B4GALNT2: variants seen among roughly 807,000 people sequenced by gnomAD.
B4GALNT2 encodes the protein N-acetylneuraminylgalactosylglucosyl-glucoside beta-1,4-N- acetylgalactosaminyltransferase 2.
A neutral mutation model predicts 51.1 loss-of-function variants in B4GALNT2; 42 were observed. The observed-to-expected ratio is 0.82, with a 90% CI of 0.64 to 1.06. The LOEUF is 1.06. B4GALNT2 is among the 50% of genes least tolerant of loss of function. The probability of loss-of-function intolerance (pLI) is 0.00; values close to 1 mark genes in which losing one functional copy is unlikely to be tolerated. For synonymous variants in B4GALNT2, 253 were observed against 251.7 expected, an observed-to-expected ratio of 1.01 and a Z score of -0.05; for missense variants, 602 against 633.6, an observed-to-expected ratio of 0.95 and a Z score of 0.54.
intron 1 of B4GALNT2, 58 bp downstream of exon 1, chr17:49,132,864 C>A (rs2042551976): frequency 7.3e-7 from 1 of 1,369,912 alleles, no homozygotes; most frequent in Non-Finnish European, 9.4e-7. Context: ...CAGGGAGCGC[C>A]GCGGGTCCTT....
Position 49,159,035 on chromosome 17 carries a change from A to T in B4GALNT2, c.499-2A>T, listed in dbSNP as rs1272006657. 1 of 1,613,756 alleles carries T rather than the reference A, an allele frequency of 6.2e-7. No homozygotes were observed. Among genetic ancestry groups the T allele is most frequent in the Non-Finnish European group, 8.5e-7 (1 of 1,179,798 alleles). On this transcript the variant is annotated splice_acceptor_variant, in intron 5 of 10. Transcript: ENST00000393354. LOFTEE classifies it high-confidence loss of function. ...AGCATCATTCTACCTCACCCACCCTAGGTCACCCTGACAGCTTCTCTGGGG... is the reference window on the plus strand; with the variant it reads ...AGCATCATTCTACCTCACCCACCCTTGGTCACCCTGACAGCTTCTCTGGGG...
intron 1 of B4GALNT2, among the ~76,000 whole-genome samples, chr17:49,133,667 C>T (rs1189600716): frequency 6.6e-6 from 1 of 152,106 alleles, no homozygotes; most frequent in African/African-American, 2.4e-5. Flanking sequence ...AATCCCAGCA[C>T]TTTGGGAGGC....
At chr17:49,148,906 A>C in intron 3 of B4GALNT2, 8 of 179,450 alleles carry the variant, frequency 4.5e-5, no homozygotes, top group Middle Eastern at 2.4e-3. Context: ...AAATACAAAA[A>C]TTAGCTGGGC....
At chr17:49,133,178 C>T in intron 1 of B4GALNT2, 1 of 1,514,686 alleles carries the variant, frequency 6.6e-7, no homozygotes, top group Non-Finnish European at 8.8e-7. Context: ...CTGACCCAGC[C>T]TGGGGCCCGT....
upstream of B4GALNT2, among the ~76,000 whole-genome samples, chr17:49,130,298 A>G (rs1190941027): frequency 6.6e-6 from 1 of 152,204 alleles, no homozygotes; most frequent in African/African-American, 2.4e-5. Flanking sequence ...CTTTATTTCG[A>G]ATGCGAATCT....
chr17:49,145,906 C>T (rs1598202571), intron 3 of B4GALNT2, among the ~76,000 whole-genome samples: 1 of 152,260 alleles, frequency 6.6e-6, no homozygotes, highest in African/African-American at 2.4e-5. Context: ...TATTAACTTC[C>T]ACTTTAATGG....
At chr17:49,147,378 CTTTT>C (rs749384820) in intron 3 of B4GALNT2, among the ~76,000 whole-genome samples, 1 of 104,854 alleles carries the variant, frequency 9.5e-6, no homozygotes. Context: ...TTCTTTCTTT[CTTTT>C]TTTTTTTTTT....
chr17:49,127,504 C>T (rs898066179), upstream of B4GALNT2, among the ~76,000 whole-genome samples: 1 of 152,160 alleles, frequency 6.6e-6, no homozygotes, highest in African/African-American at 2.4e-5. Context: ...ACAACTTTTA[C>T]TTTGTCCTTA....
At chr17:49,155,200 C>T (rs148758335) in intron 4 of B4GALNT2, among the ~76,000 whole-genome samples, 1 of 145,876 alleles carries the variant, frequency 6.9e-6, no homozygotes, top group Non-Finnish European at 1.5e-5. Flanking sequence ...TCCCAGTACT[C>T]GTGAGGAGAA....
chr17:49,166,318 G>A (rs2042911048), intron 9 of B4GALNT2, 64 bp downstream of exon 9: 1 of 1,240,554 alleles, frequency 8.1e-7, no homozygotes, highest in East Asian at 3.5e-5. Flanking sequence ...GGGGAGAAGA[G>A]AGCGGGAAGA....
At position 49,151,489 on chromosome 17, in the gene B4GALNT2, T is replaced by A. The variant is rs1022123734; in HGVS notation, c.354-1311T>A. The stretch of plus-strand genomic sequence containing the variant: ...TTGGCCGGGTGTGGTGGCTAACATT[T>A]GTAATCCCAGCACTTTGGGAGGCCA... On this transcript the variant is annotated intron_variant, in intron 3 of 10. Transcript: ENST00000393354. Among the ~76,000 whole-genome samples, 5 of 152,214 alleles carry A rather than the reference T, an allele frequency of 3.3e-5. No individual in the cohort carries two copies. The South Asian group carries it at 1.0e-3, about 32-fold the overall frequency.
At chr17:49,135,853 G>T (rs1241594863) in intron 1 of B4GALNT2, among the ~76,000 whole-genome samples, 2 of 151,594 alleles carry the variant, frequency 1.3e-5, no homozygotes, top group African/African-American at 4.8e-5. Context: ...CACGAGGTCA[G>T]AAGATCTAGA....
chr17:49,124,742 T>A, the B4GALNT2 span, among the ~76,000 whole-genome samples: 1 of 152,226 alleles, frequency 6.6e-6, no homozygotes, highest in Admixed American at 6.5e-5. Context: ...ATTTTAATGT[T>A]TGACCATAAA....
intron 3 of B4GALNT2, among the ~76,000 whole-genome samples, chr17:49,151,473 T>G (rs1598206740): frequency 6.6e-6 from 1 of 151,750 alleles, no homozygotes. Context: ...ATTGGCCGGG[T>G]GTGGTGGCTA....
chr17:49,144,474 G>A (rs1398605162), intron 3 of B4GALNT2, among the ~76,000 whole-genome samples: 2 of 152,220 alleles, frequency 1.3e-5, no homozygotes, highest in Non-Finnish European at 2.9e-5. Flanking sequence ...TATGTGAGGA[G>A]CAACTGGTCT....
In B4GALNT2 at chr17:49,175,659, T is replaced by C. The variant is rs547476647; in HGVS notation, c.*5931T>C. 1 of 152,232 alleles carries C rather than the reference T, an allele frequency of 6.6e-6. No homozygotes were observed. Among genetic ancestry groups the C allele is most frequent in the Admixed American group, 6.5e-5 (1 of 15,284 alleles). The allele number at this position is 152,232 out of a possible 1,614,324, so 9.4% of individuals were successfully genotyped here. A position where few individuals can be genotyped will look rare whatever the true frequency, so the allele number is the denominator to read the frequency against. Reference sequence around the variant, plus strand: ...TGTACAGGGGTGAGGGAGTGAGCTATAATATTTCCCTGTTGATCTGGGGGG... The same window carrying C: ...TGTACAGGGGTGAGGGAGTGAGCTACAATATTTCCCTGTTGATCTGGGGGG... On this transcript the variant is annotated 3_prime_UTR_variant, in exon 11 of 11. Coordinates refer to ENST00000393354, the MANE Select transcript of B4GALNT2 (RefSeq NM_001159387.2).
At position 49,140,805 on chromosome 17, in the gene B4GALNT2, G is replaced by A. The variant is rs1159948477; in HGVS notation, c.15-442G>A. 1.4e-4 allele frequency among the ~76,000 whole-genome samples: 20 copies of A among 141,040 alleles called. No individual in the cohort carries two copies. The East Asian group carries it at 2.9e-3, about 21-fold the overall frequency. 92.5% of individuals were successfully genotyped at this position (141,040 alleles called of 152,430 possible). A position where few individuals can be genotyped will look rare whatever the true frequency, so the allele number is the denominator to read the frequency against. ...GTGATCTTGGCTCACTGCAACCTCC[G>A]CCTCCCGGGTTCAAGCGATTCTCCT... On this transcript the variant is annotated intron_variant, in intron 1 of 10. Transcript: ENST00000393354.
chr17:49,156,170 T>A (rs1398770049), intron 4 of B4GALNT2, among the ~76,000 whole-genome samples: 3 of 152,186 alleles, frequency 2.0e-5, no homozygotes, highest in Non-Finnish European at 4.4e-5. Flanking sequence ...AATTCCCCAC[T>A]GTCCCTCTCC....
At chr17:49,120,672 A>G in the B4GALNT2 span, among the ~76,000 whole-genome samples, 4 of 150,834 alleles carry the variant, frequency 2.7e-5, no homozygotes, top group East Asian at 5.9e-4. Context: ...TGCCTGGCTA[A>G]TTTTTTTTTG....
Sources: gnomAD v4.1 joint callset for allele counts (sites outside exome capture counted in the v4.1 genomes callset) on GRCh38, gnomAD v4.1.1 for gene constraint, MANE v1.5 for transcripts, NCBI Gene and HGNC (gene_info 2026-07-23, HGNC 2026-07-21) for gene names.